PLSCR5: variants seen among roughly 807,000 people sequenced by gnomAD.
PLSCR5 encodes the protein phospholipid scramblase family, member 5.
In PLSCR5, 44 loss-of-function variants were observed where a neutral mutation model predicts 33.6. The observed-to-expected ratio is 1.31, with a 90% CI of 1.03 to 1.69. The LOEUF (loss-of-function observed/expected upper bound fraction) is 1.69. Among genes scored for constraint, PLSCR5 ranks in the 40% most tolerant of loss-of-function variants. The probability of loss-of-function intolerance (pLI) is 0.00; values close to 1 mark genes in which losing one functional copy is unlikely to be tolerated. For missense variants in PLSCR5, 375 were observed against 318.7 expected (o/e 1.18, Z -1.34); for synonymous variants, 148 against 112.3 (o/e 1.32, Z -2.01).
chr3:146,577,799 A>G (rs1305138544), intron 7 of PLSCR5, among the ~76,000 whole-genome samples: 1 of 152,174 alleles, frequency 6.6e-6, no homozygotes, highest in African/African-American at 2.4e-5. Flanking sequence ...CAAAATGAAT[A>G]CTCAATAGAA....
At chr3:146,603,937 G>A (rs1030609920) in intron 1 of PLSCR5, among the ~76,000 whole-genome samples, 1 of 152,022 alleles carries the variant, frequency 6.6e-6, no homozygotes, top group Admixed American at 6.6e-5. Flanking sequence ...AGCTTTCTCA[G>A]TGATTCTGAG....
At chr3:146,605,074 C>G in intron 1 of PLSCR5, 126 bp downstream of exon 1, 4 of 951,986 alleles carry the variant, frequency 4.2e-6, no homozygotes, top group Non-Finnish European at 6.0e-6. Context: ...TTTAAAATCA[C>G]AATGTTCAAA....
At chr3:146,593,834 TG>T in intron 4 of PLSCR5, 85 bp downstream of exon 4, 1 of 1,233,768 alleles carries the variant, frequency 8.1e-7, no homozygotes, top group Non-Finnish European at 1.2e-6. Flanking sequence ...GCAGGTTAAT[TG>T]CCTCATTGCT....
chr3:146,582,534 C>T (rs1221420867), downstream of PLSCR5, among the ~76,000 whole-genome samples: 3 of 152,176 alleles, frequency 2.0e-5, no homozygotes, highest in African/African-American at 7.2e-5. Flanking sequence ...GGACCCTTCT[C>T]TGTGGCAGAG....
chr3:146,598,000 T>A (rs920007735), intron 2 of PLSCR5, among the ~76,000 whole-genome samples: 1 of 152,114 alleles, frequency 6.6e-6, no homozygotes, highest in Admixed American at 6.6e-5. Context: ...TGTATGAACA[T>A]GTAAATTTAA....
At chr3:146,584,577 T>G (rs753315583), downstream of PLSCR5, among the ~76,000 whole-genome samples, 5 of 152,148 alleles carry the variant, frequency 3.3e-5, no homozygotes, top group Non-Finnish European at 7.4e-5. Flanking sequence ...GTACAAGATA[T>G]GTTATGGTCG....
intron 5 of PLSCR5, among the ~76,000 whole-genome samples, chr3:146,590,999 T>TTTG (rs1553809610): frequency 1.3e-4 from 20 of 149,394 alleles, no homozygotes; most frequent in African/African-American, 4.9e-4. Context: ...TTTTTTTTGT[T>TTTG]TTTTTTTTTT....
At position 146,591,848 on chromosome 3, in the gene PLSCR5, C is replaced by A. The variant is rs759171623; in HGVS notation, c.487G>T (p.Gly163Cys). 4.3e-5 allele frequency: 69 copies of A among 1,611,426 alleles called. No individual in the cohort carries two copies. Among genetic ancestry groups the A allele is most frequent in the Middle Eastern group, 3.3e-4 (2 of 6,078 alleles). ...EIQAPPGTIV[G>C]YVTQKWDPFL... ...GGGTCCCACTTCTGCGTAACGTAAC[C>A]AACTATAGTACCAGGAGGGGCTTGG... is the stretch of plus-strand genomic sequence containing the variant. Residue 163 changes from glycine to cysteine, a missense_variant, in exon 5 of 8, where the codon GGT (glycine) becomes TGT (cysteine). Gly to Cys is a radical substitution (Grantham distance 159, BLOSUM62 -3). Coordinates refer to ENST00000443512, the MANE Select transcript of PLSCR5 (RefSeq NM_001085420.2).
chr3:146,597,527 C>A (rs1368481517), intron 2 of PLSCR5, among the ~76,000 whole-genome samples: 2 of 152,162 alleles, frequency 1.3e-5, no homozygotes, highest in Non-Finnish European at 2.9e-5. Context: ...CCCTCCCCAT[C>A]CTCTGTAATA....
downstream of PLSCR5, among the ~76,000 whole-genome samples, chr3:146,585,109 T>C (rs114627194): frequency 4.4e-3 from 675 of 152,212 alleles, 8 homozygotes; most frequent in African/African-American, 0.015. Flanking sequence ...AACTAGTGGA[T>C]AGTAATCAGG....
chr3:146,597,139 T>A (rs1295515261), intron 2 of PLSCR5, among the ~76,000 whole-genome samples: 1 of 152,220 alleles, frequency 6.6e-6, no homozygotes, highest in Non-Finnish European at 1.5e-5. Context: ...AATCAAGTTC[T>A]AGTATTGAAA....
Position 146,591,891 on chromosome 3 carries a change from G to C in PLSCR5, c.454-10C>G. 2 of 1,575,878 alleles carry C rather than the reference G, an allele frequency of 1.3e-6. No homozygotes were observed. Among genetic ancestry groups the C allele is most frequent in the Non-Finnish European group, 1.7e-6 (2 of 1,161,286 alleles). ...GGGCTTGGATTTCTAACTGTAAGAA[G>C]AGATAATGATAAAATAAGATTTTCT... On this transcript the variant is annotated splice_polypyrimidine_tract_variant and intron_variant, in intron 4 of 7. Coordinates refer to ENST00000443512, the MANE Select transcript of PLSCR5 (RefSeq NM_001085420.2).
At chr3:146,580,002 C>G (rs2044622964) in intron 7 of PLSCR5, among the ~76,000 whole-genome samples, 1 of 152,178 alleles carries the variant, frequency 6.6e-6, no homozygotes, top group Non-Finnish European at 1.5e-5. Flanking sequence ...TAGCTTTGAC[C>G]CCACTTAGCA....
Position 146,580,018 on chromosome 3 carries a change from G to T in PLSCR5, c.*45-3293C>A, listed in dbSNP as rs535051034. ...AGCTTTGACCCCACTTAGCATGGAA[G>T]ACACATATTCAACTCATGCGTTATT... On this transcript the variant is annotated intron_variant, in intron 7 of 7. Coordinates refer to the PLSCR5 transcript ENST00000482567. 1.1e-4 allele frequency among the ~76,000 whole-genome samples: 16 copies of T among 152,338 alleles called. No homozygotes were observed. In the East Asian group the frequency reaches 2.9e-3, roughly 28 times the overall value.
chr3:146,593,806 T>C (rs2044734463), intron 4 of PLSCR5, 114 bp downstream of exon 4: 8 of 949,466 alleles, frequency 8.4e-6, no homozygotes, highest in Non-Finnish European at 1.3e-5. Context: ...AACATACTAT[T>C]AATAATTAAA....
At chr3:146,599,994 T>A (rs1438978875) in intron 2 of PLSCR5, among the ~76,000 whole-genome samples, 2 of 152,152 alleles carry the variant, frequency 1.3e-5, no homozygotes, top group Non-Finnish European at 1.5e-5. Context: ...AAAAATTTAC[T>A]GACACCTTGA....
intron 1 of PLSCR5, among the ~76,000 whole-genome samples, chr3:146,602,513 A>T (rs1383304611): frequency 6.6e-6 from 1 of 152,052 alleles, no homozygotes. Flanking sequence ...GAATCTAGAA[A>T]TGTCTATATC....
chr3:146,594,263 C>T (rs2044740477), intron 3 of PLSCR5, 123 bp from the exon 4 acceptor site: 1 of 694,416 alleles, frequency 1.4e-6, no homozygotes, highest in South Asian at 2.1e-5. Flanking sequence ...ATGGTATCTT[C>T]TTCACACAAA....
chr3:146,583,629 T>C (rs1307749175), downstream of PLSCR5, among the ~76,000 whole-genome samples: 4 of 152,214 alleles, frequency 2.6e-5, no homozygotes, highest in African/African-American at 7.2e-5. Context: ...AGAGACAGAA[T>C]GGGTCTCAGT....
Sources: allele counts gnomAD v4.1 joint callset (sites outside exome capture counted in the v4.1 genomes callset), GRCh38; gene constraint gnomAD v4.1.1; transcripts MANE v1.5; gene names NCBI Gene and HGNC (gene_info 2026-07-23, HGNC 2026-07-21).